HSD17B4: variants seen among roughly 807,000 people sequenced by gnomAD.
HSD17B4 encodes peroxisomal multifunctional enzyme type 2.
A neutral mutation model predicts 101.0 loss-of-function variants in HSD17B4; 70 were observed. That is an observed-to-expected ratio of 0.69 (90% CI 0.57 to 0.85). The LOEUF (loss-of-function observed/expected upper bound fraction) is 0.85. Among genes scored for constraint, HSD17B4 ranks in the 40% least tolerant of loss-of-function variants. The pLI is 0.00. For synonymous variants in HSD17B4, 347 were observed against 297.1 expected, an observed-to-expected ratio of 1.17 and a Z score of -1.73; for missense variants, 984 against 892.4, an observed-to-expected ratio of 1.10 and a Z score of -1.31.
At position 119,525,235 on chromosome 5, in the gene HSD17B4, G is replaced by C; in HGVS notation, c.1523G>C (p.Ser508Thr). The C allele has an allele frequency of 6.2e-7, 1 of 1,612,342 alleles. No homozygotes were observed. The highest frequency in any genetic ancestry group is 1.1e-5 in the South Asian group (1 of 91,062). The change falls in exon 18 of 24, where the codon AGT (serine) becomes ACT (threonine). Residue 508 changes from serine (S) to threonine (T), a missense_variant. Transcript: ENST00000510025. ...SLNQAALYRL[S>T]GDWNPLHIDP... ...CCACAGGCTGCTTTGTACCGCCTCAGTGGAGACTGGAATCCCTTACACATT... is the reference window on the plus strand; with the variant it reads ...CCACAGGCTGCTTTGTACCGCCTCACTGGAGACTGGAATCCCTTACACATT...
chr5:119,528,135 A>G (rs764360934), intron 20 of HSD17B4, among the ~76,000 whole-genome samples: 2 of 152,140 alleles, frequency 1.3e-5, no homozygotes, highest in Non-Finnish European at 2.9e-5. Context: ...ATAAATCTGT[A>G]TGTAAATATA....
At chr5:119,525,850 T>C in intron 18 of HSD17B4, 67 bp from the exon 19 acceptor site, 1 of 909,426 alleles carries the variant, frequency 1.1e-6, no homozygotes, top group Non-Finnish European at 1.9e-6. Flanking sequence ...AAGTCCTGAA[T>C]TAACTACACT....
chr5:119,460,791 A>G (rs257984), intron 2 of HSD17B4, among the ~76,000 whole-genome samples: 157 of 152,218 alleles, frequency 1.0e-3, no homozygotes, highest in Non-Finnish European at 1.8e-3. Context: ...AATATAATAG[A>G]TGTAGGTGCT....
At chr5:119,539,863 G>A (rs2126927094) in intron 23 of HSD17B4, among the ~76,000 whole-genome samples, 1 of 150,436 alleles carries the variant, frequency 6.6e-6, no homozygotes, top group Admixed American at 6.6e-5. Context: ...GCCAAGGCAG[G>A]AGGATTGCTT....
intron 17 of HSD17B4, among the ~76,000 whole-genome samples, chr5:119,521,163 G>A (rs563527778): frequency 1.4e-4 from 22 of 152,218 alleles, no homozygotes; most frequent in African/African-American, 4.3e-4. Context: ...ATACTTGAAG[G>A]GACAGCATTG....
At chr5:119,529,512 A>C (rs1377857142) in intron 20 of HSD17B4, among the ~76,000 whole-genome samples, 2 of 152,104 alleles carry the variant, frequency 1.3e-5, no homozygotes, top group African/African-American at 4.8e-5. Context: ...TTCAGCATGG[A>C]CTGAATTCTG....
chr5:119,527,025 G>A lies in HSD17B4; in HGVS notation c.1681-108G>A, dbSNP rs1162289749. The stretch of plus-strand genomic sequence containing the variant: ...ATGAATTTAAATATCTTTAAACCTT[G>A]ATTTTTTTTTTCTTTTGTGCTCTCT... On this transcript the variant is annotated intron_variant, in intron 19 of 23. Transcript: ENST00000510025. The A allele has an allele frequency of 4.4e-6, 3 of 686,922 alleles. No individual in the cohort carries two copies. In the South Asian group the frequency reaches 5.0e-5, roughly 11 times the overall value. The allele number at this position is 686,922 out of a possible 1,614,324, so 42.6% of individuals were successfully genotyped here.
chr5:119,461,330 T>C (rs1244308666), intron 2 of HSD17B4, among the ~76,000 whole-genome samples: 1 of 152,122 alleles, frequency 6.6e-6, no homozygotes, highest in African/African-American at 2.4e-5. Flanking sequence ...ATATAAGCCA[T>C]GAAAATAAAA....
Position 119,509,211 on chromosome 5 carries a change from C to T in HSD17B4, c.1404C>T (p.Gly468=), listed in dbSNP as rs908728433. Residue 468 remains glycine (G), a synonymous_variant, in exon 16 of 24, where the codon GGC becomes GGT. Coordinates refer to ENST00000510025, the MANE Select transcript of HSD17B4 (RefSeq NM_000414.4). ...CTCTCTTTCTTGTTGGCTCTGGAGG[C>T]TTTGGTGGAAAACGGACATCAGACA... ...QFSLFLVGSG[G]FGGKRTSDKV... The T allele has an allele frequency of 1.9e-6, 3 of 1,609,614 alleles. No homozygotes were observed. Among genetic ancestry groups the T allele is most frequent in the Non-Finnish European group, 2.6e-6 (3 of 1,176,094 alleles).
At chr5:119,502,400 T>C (rs931811040) in intron 14 of HSD17B4, among the ~76,000 whole-genome samples, 4 of 152,204 alleles carry the variant, frequency 2.6e-5, no homozygotes, top group Non-Finnish European at 5.9e-5. Context: ...TAATCTGTTA[T>C]GGTTCTTATG....
At chr5:119,488,277 C>G (rs566963668) in intron 8 of HSD17B4, among the ~76,000 whole-genome samples, 1 of 151,994 alleles carries the variant, frequency 6.6e-6, no homozygotes, top group Non-Finnish European at 1.5e-5. Context: ...GGTTCAGTAC[C>G]AAAATCAAAG....
chr5:119,525,984 G>A lies in HSD17B4; in HGVS notation c.1641G>A (p.Gln547=). ...FGFSARRVLQ[Q]FADNDVSRFK... ...TTTCTGCCAGGCGTGTGTTACAGCA[G>A]TTTGCAGATAATGATGTGTCAAGAT... Residue 547 remains glutamine, a synonymous_variant, in exon 19 of 24, where the codon CAG becomes CAA. Transcript: ENST00000510025. The A allele has an allele frequency of 6.2e-7, 1 of 1,609,836 alleles. No individual in the cohort carries two copies. Among genetic ancestry groups the A allele is most frequent in the East Asian group, 2.2e-5 (1 of 44,798 alleles).
At chr5:119,525,067 T>G in intron 17 of HSD17B4, 149 bp from the exon 18 acceptor site, 1 of 606,762 alleles carries the variant, frequency 1.6e-6, no homozygotes, top group South Asian at 2.0e-5. Flanking sequence ...AGGTAATCTT[T>G]ATTGTTAAAA....
intron 13 of HSD17B4, among the ~76,000 whole-genome samples, chr5:119,500,056 A>G (rs986597203): frequency 2.4e-4 from 36 of 152,190 alleles, no homozygotes; most frequent in Admixed American, 6.6e-5. Flanking sequence ...AGATTTCAGC[A>G]TATACTTTGA....
chr5:119,529,789 C>A (rs911012888), intron 20 of HSD17B4, 105 bp from the exon 21 acceptor site: 27 of 712,824 alleles, frequency 3.8e-5, no homozygotes, highest in Admixed American at 4.3e-5. Context: ...TATTCTTTTT[C>A]ATATGAGGCA....
At chr5:119,497,207 A>AT (rs33937106) in intron 12 of HSD17B4, among the ~76,000 whole-genome samples, 19 of 95,334 alleles carry the variant, frequency 2.0e-4, no homozygotes, top group African/African-American at 7.4e-4. Flanking sequence ...GGTAGGCTCC[A>AT]TTGGGGGGTG....
Position 119,517,948 on chromosome 5 carries a change from C to T in HSD17B4, c.1503+2902C>T, listed in dbSNP as rs957916680. 3.7e-4 allele frequency among the ~76,000 whole-genome samples: 57 copies of T among 152,096 alleles called. 1 individual carries two copies. The highest frequency in any genetic ancestry group is 7.4e-5 in the Non-Finnish European group (5 of 68,016). On this transcript the variant is annotated intron_variant, in intron 17 of 23. Coordinates refer to ENST00000510025, the MANE Select transcript of HSD17B4 (RefSeq NM_000414.4). ...CTGTATCTAGCTAATCTGATGGGGA[C>T]GTGGAGAACCTTTATGTCTAGCTCA...
Position 119,536,557 on chromosome 5 carries a change from T to C in HSD17B4, c.2121+7T>C, listed in dbSNP as rs876657477. 1 of 1,611,008 alleles carries C rather than the reference T, an allele frequency of 6.2e-7. No individual in the cohort carries two copies. The highest frequency in any genetic ancestry group is 1.7e-5 in the Admixed American group (1 of 59,864). Reference sequence around the variant, plus strand: ...CAAGCTTGACCCTCAGAAGGTAATGTTCTCAAATGTTCATTTATTCATTGT... The same window carrying C: ...CAAGCTTGACCCTCAGAAGGTAATGCTCTCAAATGTTCATTTATTCATTGT... On this transcript the variant is annotated splice_region_variant and intron_variant, in intron 23 of 23. Transcript: ENST00000510025.
intron 15 of HSD17B4, among the ~76,000 whole-genome samples, chr5:119,507,927 A>C (rs1364980661): frequency 6.6e-6 from 1 of 152,274 alleles, no homozygotes; most frequent in East Asian, 1.9e-4. Flanking sequence ...AGAACAGTAT[A>C]AAGTTTGACA....
Sources: allele counts gnomAD v4.1 joint callset (sites outside exome capture counted in the v4.1 genomes callset), GRCh38; gene constraint gnomAD v4.1.1; transcripts MANE v1.5; gene names NCBI Gene and HGNC (gene_info 2026-07-23, HGNC 2026-07-21).